The following PAM variants were observed in gnomAD, a reference collection of about 807,000 sequenced individuals.
PAM encodes the protein peptidyl-glycine alpha-amidating monooxygenase.
In PAM, 72 loss-of-function variants were observed where a neutral mutation model predicts 122.1. The ratio of observed to expected loss-of-function variants is 0.59; its 90% CI spans 0.49 to 0.72. The LOEUF (loss-of-function observed/expected upper bound fraction) is 0.72. PAM is among the 30% of genes least tolerant of loss of function. The pLI, the probability that PAM is intolerant of heterozygous loss-of-function variation, is 0.00. For synonymous variants in PAM, 389 were observed against 404.4 expected, an observed-to-expected ratio of 0.96 and a Z score of 0.46; for missense variants, 1,106 against 1,183.7, an observed-to-expected ratio of 0.93 and a Z score of 0.96.
intron 1 of PAM, chr5:102,838,416 T>C (rs1302260409): frequency 1.3e-5 from 2 of 152,144 alleles, no homozygotes; most frequent in East Asian, 3.8e-4. Context: ...TCAATTATTA[T>C]ACAGTAAAAG....
intron 7 of PAM, among the ~76,000 whole-genome samples, chr5:102,937,694 G>A (rs150957783): frequency 6.6e-6 from 1 of 152,258 alleles, no homozygotes; most frequent in East Asian, 1.9e-4. Context: ...AATGAAGATC[G>A]ATGCTCAGAA....
intron 12 of PAM, among the ~76,000 whole-genome samples, chr5:102,954,782 A>G (rs1231376003): frequency 1.3e-5 from 2 of 152,104 alleles, no homozygotes; most frequent in African/African-American, 4.8e-5. Context: ...TCAGGCTAAA[A>G]GTTTATATGC....
chr5:102,848,344 C>T (rs1294643762), intron 1 of PAM, among the ~76,000 whole-genome samples: 1 of 152,156 alleles, frequency 6.6e-6, no homozygotes, highest in African/African-American at 2.4e-5. Flanking sequence ...GCCTACTGTA[C>T]ACGGCAAAGG....
intron 4 of PAM, among the ~76,000 whole-genome samples, chr5:102,913,103 C>G (rs909438903): frequency 6.6e-6 from 1 of 151,894 alleles, no homozygotes; most frequent in Non-Finnish European, 1.5e-5. Flanking sequence ...CATTTTGGGG[C>G]TATTTAGCAT....
chr5:102,796,857 G>A (rs1381248778), intron 1 of PAM, among the ~76,000 whole-genome samples: 2 of 152,100 alleles, frequency 1.3e-5, no homozygotes, highest in Admixed American at 1.3e-4. Flanking sequence ...GTCGTTACAT[G>A]GATTGAATGC....
At chr5:102,826,978 G>A (rs1025630455) in intron 1 of PAM, among the ~76,000 whole-genome samples, 1 of 152,030 alleles carries the variant, frequency 6.6e-6, no homozygotes, top group Non-Finnish European at 1.5e-5. Flanking sequence ...TTAATTTTTA[G>A]TACTTTTAAA....
At chr5:102,916,162 C>T (rs932729550) in intron 5 of PAM, among the ~76,000 whole-genome samples, 5 of 152,074 alleles carry the variant, frequency 3.3e-5, no homozygotes, top group Admixed American at 1.3e-4. Context: ...TTGCAAAAGA[C>T]TTATACTAGG....
intron 21 of PAM, among the ~76,000 whole-genome samples, chr5:103,013,412 G>A (rs1229535601): frequency 6.6e-6 from 1 of 151,982 alleles, no homozygotes; most frequent in Non-Finnish European, 1.5e-5. Flanking sequence ...TGTTGATTTT[G>A]TATCCTGCAA....
chr5:102,932,181 A>G (rs1424439324), intron 7 of PAM, among the ~76,000 whole-genome samples: 3 of 152,174 alleles, frequency 2.0e-5, no homozygotes, highest in African/African-American at 4.8e-5. Flanking sequence ...AACATCTTGG[A>G]TAGAAATCAT....
downstream of PAM, chr5:103,030,219 T>C (rs909622002): frequency 1.4e-4 from 21 of 152,222 alleles, no homozygotes; most frequent in Admixed American, 1.3e-4. Flanking sequence ...ATCAATCCAC[T>C]GTACTCCAGC....
chr5:102,977,985 C>T (rs1463539318), intron 15 of PAM, among the ~76,000 whole-genome samples: 2 of 152,046 alleles, frequency 1.3e-5, no homozygotes, highest in Non-Finnish European at 2.9e-5. Flanking sequence ...TGAACAGTGT[C>T]GGCATGCAGA....
At chr5:102,910,613 G>C (rs1235049377) in intron 4 of PAM, among the ~76,000 whole-genome samples, 3 of 151,712 alleles carry the variant, frequency 2.0e-5, no homozygotes, top group Non-Finnish European at 4.4e-5. Context: ...AGAGTCAGTG[G>C]CACTTTTAAT....
At chr5:102,904,574 A>G (rs1259145423) in intron 4 of PAM, among the ~76,000 whole-genome samples, 3 of 151,634 alleles carry the variant, frequency 2.0e-5, no homozygotes, top group African/African-American at 7.3e-5. Flanking sequence ...GAATTCAGCA[A>G]ACTTAAAATT....
intron 1 of PAM, among the ~76,000 whole-genome samples, chr5:102,846,743 C>G (rs1345335217): frequency 2.6e-5 from 4 of 152,180 alleles, no homozygotes; most frequent in African/African-American, 9.7e-5. Flanking sequence ...ATCTCTATCT[C>G]TTTTCTTTCT....
Position 103,025,500 on chromosome 5 carries a change from A to C in PAM, c.2689+166A>C. The C allele has an allele frequency of 4.6e-6, 3 of 657,122 alleles. No individual in the cohort carries two copies. The South Asian group carries it at 5.2e-5, about 11-fold the overall frequency. The allele number at this position is 657,122 out of a possible 1,614,324, so 40.7% of individuals were successfully genotyped here. On this transcript the variant is annotated intron_variant, in intron 24 of 25. Transcript: ENST00000438793. ...TGTCTATGTTCCAAATATTGCCCCTAGTTAATATCACAGTACAAAATAGTA... is the reference window on the plus strand; with the variant it reads ...TGTCTATGTTCCAAATATTGCCCCTCGTTAATATCACAGTACAAAATAGTA...
chr5:102,832,344 G>GT, intron 1 of PAM, among the ~76,000 whole-genome samples: 1 of 152,112 alleles, frequency 6.6e-6, no homozygotes, highest in South Asian at 2.1e-4. Flanking sequence ...CTTCCTCCCA[G>GT]TTAATATCCC....
At chr5:102,991,077 G>A (rs895095951) in intron 16 of PAM, among the ~76,000 whole-genome samples, 4 of 152,146 alleles carry the variant, frequency 2.6e-5, no homozygotes, top group African/African-American at 7.2e-5. Context: ...CGGTTATTGA[G>A]TGTTTCCTCT....
chr5:102,966,702 T>A (rs1428901382), intron 14 of PAM, among the ~76,000 whole-genome samples: 2 of 152,192 alleles, frequency 1.3e-5, no homozygotes, highest in African/African-American at 4.8e-5. Flanking sequence ...CCTCATATCC[T>A]CTCATTAATC....
At chr5:102,895,409 G>GAACAGTGT (rs1795932775) in intron 3 of PAM, among the ~76,000 whole-genome samples, 1 of 151,734 alleles carries the variant, frequency 6.6e-6, no homozygotes, top group African/African-American at 2.4e-5. Flanking sequence ...TGTGAATGTA[G>GAACAGTGT]AACAGTGTCT....
Sources: allele counts gnomAD v4.1 joint callset (sites outside exome capture counted in the v4.1 genomes callset), GRCh38; gene constraint gnomAD v4.1.1; transcripts MANE v1.5; gene names NCBI Gene and HGNC (gene_info 2026-07-23, HGNC 2026-07-21).